The following ARB2A variants were observed in gnomAD, a reference collection of about 807,000 sequenced individuals.
ARB2A encodes the protein ARB2 cotranscriptional regulator A.
chr5:93,768,591 G>GTA, the ARB2A span, among the ~76,000 whole-genome samples: 68 of 151,634 alleles, frequency 4.5e-4, no homozygotes, highest in Middle Eastern at 3.5e-3. Flanking sequence ...GTGTGTGTGT[G>GTA]TATATATATG....
the ARB2A span, among the ~76,000 whole-genome samples, chr5:93,796,993 A>G: frequency 1.3e-5 from 2 of 152,162 alleles, no homozygotes; most frequent in African/African-American, 2.4e-5. Context: ...ACAGATAGAG[A>G]ACATGTATAT....
At chr5:93,946,215 G>C in the ARB2A span, among the ~76,000 whole-genome samples, 20 of 151,956 alleles carry the variant, frequency 1.3e-4, no homozygotes, top group Non-Finnish European at 1.8e-4. Context: ...AGGAAGACAA[G>C]ACATTGATAT....
chr5:93,950,951 A>AT, the ARB2A span, among the ~76,000 whole-genome samples: 2 of 121,430 alleles, frequency 1.6e-5, no homozygotes, highest in Non-Finnish European at 3.9e-5. Context: ...CTCAAAAAAA[A>AT]AAAAAAATAA....
the ARB2A span, among the ~76,000 whole-genome samples, chr5:94,084,617 A>G: frequency 1.3e-5 from 2 of 152,308 alleles, no homozygotes; most frequent in South Asian, 2.1e-4. Flanking sequence ...GATAGGAAGA[A>G]TTGCCTTGCC....
the ARB2A span, among the ~76,000 whole-genome samples, chr5:93,767,548 CATT>C: frequency 6.6e-6 from 1 of 152,002 alleles, no homozygotes; most frequent in African/African-American, 2.4e-5. Flanking sequence ...GAAAAGAAGT[CATT>C]ATATGAAAAA....
At chr5:93,797,982 G>T in the ARB2A span, among the ~76,000 whole-genome samples, 4 of 152,172 alleles carry the variant, frequency 2.6e-5, no homozygotes, top group Admixed American at 2.6e-4. Context: ...AATGACATTT[G>T]AGAGAAGTCA....
chr5:93,986,057 G>A, the ARB2A span, among the ~76,000 whole-genome samples: 3 of 147,434 alleles, frequency 2.0e-5, no homozygotes, highest in Non-Finnish European at 4.5e-5. Flanking sequence ...TGTGAGGAGC[G>A]CCTCTGCCCG....
At chr5:93,696,509 C>A in the ARB2A span, among the ~76,000 whole-genome samples, 4 of 152,138 alleles carry the variant, frequency 2.6e-5, no homozygotes, top group East Asian at 7.7e-4. Context: ...TCCTAAATTT[C>A]TCTATTACTT....
At chr5:94,082,729 A>G in the ARB2A span, among the ~76,000 whole-genome samples, 1 of 152,044 alleles carries the variant, frequency 6.6e-6, no homozygotes, top group Non-Finnish European at 1.5e-5. Flanking sequence ...GAATTTCCCA[A>G]TTCTTTATGA....
the ARB2A span, among the ~76,000 whole-genome samples, chr5:94,029,833 A>T: frequency 1.3e-5 from 2 of 152,246 alleles, no homozygotes. Flanking sequence ...GAAGAGCTGT[A>T]TAATGGCGTA....
chr5:93,977,692 A>G, the ARB2A span, among the ~76,000 whole-genome samples: 1 of 152,228 alleles, frequency 6.6e-6, no homozygotes, highest in East Asian at 1.9e-4. Context: ...ATACTCTTCC[A>G]GATGGTGGCC....
the ARB2A span, among the ~76,000 whole-genome samples, chr5:93,652,935 A>G: frequency 6.6e-6 from 1 of 152,232 alleles, no homozygotes; most frequent in Non-Finnish European, 1.5e-5. Flanking sequence ...GAGAAAGAGC[A>G]TATGTTGCTT....
the ARB2A span, among the ~76,000 whole-genome samples, chr5:93,821,020 A>T: frequency 6.6e-6 from 1 of 152,288 alleles, no homozygotes; most frequent in Non-Finnish European, 1.5e-5. Context: ...GGTTTTGAAA[A>T]AAATCTCTGA....
the ARB2A span, among the ~76,000 whole-genome samples, chr5:93,623,443 C>G: frequency 5.9e-5 from 9 of 152,152 alleles, no homozygotes; most frequent in Non-Finnish European, 1.2e-4. Flanking sequence ...CCAATTCAAT[C>G]TATGAATCTA....
chr5:93,651,630 C>T, the ARB2A span, among the ~76,000 whole-genome samples: 3 of 152,058 alleles, frequency 2.0e-5, no homozygotes, highest in African/African-American at 7.2e-5. Context: ...GAATGCGCAG[C>T]ACTAGAAATG....
the ARB2A span, among the ~76,000 whole-genome samples, chr5:93,968,250 T>C: frequency 1.3e-5 from 2 of 152,116 alleles, no homozygotes; most frequent in Non-Finnish European, 2.9e-5. Flanking sequence ...GACTCAGATA[T>C]AGCAGAGATA....
At chr5:94,018,732 G>A in the ARB2A span, among the ~76,000 whole-genome samples, 1 of 151,930 alleles carries the variant, frequency 6.6e-6, no homozygotes, top group East Asian at 1.9e-4. Flanking sequence ...GTGAATGGGA[G>A]TAGTATATAG....
the ARB2A span, among the ~76,000 whole-genome samples, chr5:93,870,609 T>C: frequency 6.6e-6 from 1 of 152,226 alleles, no homozygotes; most frequent in Non-Finnish European, 1.5e-5. Flanking sequence ...TATTTCACTG[T>C]ATTGACATTT....
At chr5:93,640,973 G>A in the ARB2A span, among the ~76,000 whole-genome samples, 12 of 151,866 alleles carry the variant, frequency 7.9e-5, no homozygotes, top group African/African-American at 2.7e-4. Flanking sequence ...AGGCTGAGGC[G>A]GGTGGATCAC....
Sources: allele counts gnomAD v4.1 joint callset (sites outside exome capture counted in the v4.1 genomes callset), GRCh38; gene constraint gnomAD v4.1.1; transcripts MANE v1.5; gene names NCBI Gene and HGNC (gene_info 2026-07-23, HGNC 2026-07-21).